The following KCNH1 variants were observed in gnomAD, a reference collection of about 807,000 sequenced individuals.
KCNH1 encodes voltage-gated delayed rectifier potassium channel KCNH1.
KCNH1 carries 27 observed loss-of-function variants against 69.2 expected under a neutral mutation model. The ratio of observed to expected loss-of-function variants is 0.39; its 90% confidence interval spans 0.29 to 0.54. KCNH1 has a LOEUF of 0.54. KCNH1 is among the 20% of genes least tolerant of loss of function. The probability of loss-of-function intolerance (pLI) is 0.68; values close to 1 mark genes in which losing one functional copy is unlikely to be tolerated. For missense variants in KCNH1, 798 were observed against 1,261.6 expected (o/e 0.63, Z 5.57); for synonymous variants, 456 against 487.7 (o/e 0.93, Z 0.86).
At chr1:210,937,763 C>A (rs1687799001) in intron 6 of KCNH1, among the ~76,000 whole-genome samples, 1 of 145,402 alleles carries the variant, frequency 6.9e-6, no homozygotes, top group Non-Finnish European at 1.5e-5. Context: ...TTTTAATAAC[C>A]TTTTTTCCTC....
At chr1:210,903,884 A>C (rs771034634) in intron 7 of KCNH1, among the ~76,000 whole-genome samples, 42 of 152,278 alleles carry the variant, frequency 2.8e-4, no homozygotes, top group Admixed American at 4.6e-4. Context: ...TGGGGACACA[A>C]ACAGAATTGG....
At chr1:211,092,462 T>A (rs752111617) in intron 3 of KCNH1, among the ~76,000 whole-genome samples, 22 of 152,246 alleles carry the variant, frequency 1.4e-4, no homozygotes, top group Non-Finnish European at 2.1e-4. Context: ...TATTCCTCTA[T>A]AGTTAATTTT....
chr1:210,726,832 C>T (rs1682607745), intron 10 of KCNH1, among the ~76,000 whole-genome samples: 2 of 152,038 alleles, frequency 1.3e-5, no homozygotes, highest in Non-Finnish European at 2.9e-5. Flanking sequence ...GGACTACTCT[C>T]CTCTATTCAT....
chr1:210,807,104 C>T (rs776156824), intron 7 of KCNH1, among the ~76,000 whole-genome samples: 4 of 151,180 alleles, frequency 2.6e-5, no homozygotes, highest in South Asian at 2.1e-4. Context: ...TCTTACAGCA[C>T]AATATCAAGA....
intron 7 of KCNH1, among the ~76,000 whole-genome samples, chr1:210,909,079 C>A (rs1687174055): frequency 6.6e-6 from 1 of 152,214 alleles, no homozygotes; most frequent in Non-Finnish European, 1.5e-5. Context: ...CCCATGCATG[C>A]AAAGAGGGTC....
At chr1:210,966,447 A>C (rs1460379968) in intron 6 of KCNH1, among the ~76,000 whole-genome samples, 1 of 152,256 alleles carries the variant, frequency 6.6e-6, no homozygotes, top group African/African-American at 2.4e-5. Flanking sequence ...GTGAAGAGGC[A>C]ACCTACAGAA....
At chr1:210,807,471 G>T (rs1684607668) in intron 7 of KCNH1, among the ~76,000 whole-genome samples, 3 of 152,068 alleles carry the variant, frequency 2.0e-5, no homozygotes, top group South Asian at 4.2e-4. Context: ...ATTTAGCCAG[G>T]CATGGTGGCA....
intron 10 of KCNH1, among the ~76,000 whole-genome samples, chr1:210,775,061 T>C (rs1683834180): frequency 6.6e-6 from 1 of 152,084 alleles, no homozygotes; most frequent in African/African-American, 2.4e-5. Context: ...TTCAAAATGC[T>C]AGCAGGTCTA....
chr1:210,781,979 G>A (rs1038456556), intron 9 of KCNH1, among the ~76,000 whole-genome samples: 2 of 152,066 alleles, frequency 1.3e-5, no homozygotes, highest in Admixed American at 1.3e-4. Context: ...TCACATCAGG[G>A]CTTTCCAGGC....
intron 10 of KCNH1, among the ~76,000 whole-genome samples, chr1:210,721,833 G>A (rs1574210594): frequency 6.7e-6 from 1 of 148,988 alleles, no homozygotes; most frequent in Non-Finnish European, 1.5e-5. Flanking sequence ...ATAAATAAAT[G>A]AAAAAGAAAG....
At chr1:211,102,452 A>C (rs1691274978) in intron 3 of KCNH1, among the ~76,000 whole-genome samples, 1 of 152,158 alleles carries the variant, frequency 6.6e-6, no homozygotes, top group South Asian at 2.1e-4. Context: ...TGGGAACTAG[A>C]TCTGCTGGCA....
chr1:210,720,829 C>T (rs1327825524), intron 10 of KCNH1, among the ~76,000 whole-genome samples: 1 of 152,182 alleles, frequency 6.6e-6, no homozygotes, highest in East Asian at 1.9e-4. Context: ...GTTTTCCCTG[C>T]TCCTTTATGT....
chr1:210,844,262 C>G (rs1398015220), intron 7 of KCNH1, among the ~76,000 whole-genome samples: 1 of 152,184 alleles, frequency 6.6e-6, no homozygotes, highest in Non-Finnish European at 1.5e-5. Context: ...TTGGCTCATG[C>G]CTGTAATCCC....
chr1:210,970,711 T>A (rs1688496698), intron 6 of KCNH1, among the ~76,000 whole-genome samples: 1 of 152,088 alleles, frequency 6.6e-6, no homozygotes, highest in African/African-American at 2.4e-5. Flanking sequence ...GGCAATACCA[T>A]TCAGGACGTA....
Position 210,919,565 on chromosome 1 carries a change from TG to T in KCNH1, c.1462+74del. Reference sequence around the variant, plus strand: ...TAAGTTATTATTCTCCTGATCCTGCTGGCACTGTAGCCATTTCCCTGTTTCC... The same window carrying T: ...TAAGTTATTATTCTCCTGATCCTGCTGCACTGTAGCCATTTCCCTGTTTCC... On this transcript the variant is annotated intron_variant, in intron 7 of 10. Transcript: ENST00000271751. This position sits in a 1 kb window ranked among gnomAD's most constrained non-coding sequence, Gnocchi z 4.2. 1 of 1,310,738 alleles carries T rather than the reference TG, an allele frequency of 7.6e-7. No homozygotes were observed. The highest frequency in any genetic ancestry group is 1.1e-6 in the Non-Finnish European group (1 of 925,224). The allele number at this position is 1,310,738 out of a possible 1,614,324, so 81.2% of individuals were successfully genotyped here.
At chr1:210,703,178 G>A (rs1681825375) in intron 10 of KCNH1, among the ~76,000 whole-genome samples, 1 of 152,180 alleles carries the variant, frequency 6.6e-6, no homozygotes, top group South Asian at 2.1e-4. Context: ...ACATGTGCAA[G>A]TTAAAAGACA....
At chr1:210,861,150 G>A (rs560861750) in intron 7 of KCNH1, 45 of 905,066 alleles carry the variant, frequency 5.0e-5, no homozygotes, top group Non-Finnish European at 6.7e-5. Context: ...AACTTCATGC[G>A]TATATACTCG....
At chr1:211,029,334 T>TAAAAA (rs58241322) in intron 5 of KCNH1, among the ~76,000 whole-genome samples, 681 of 23,100 alleles carry the variant, frequency 0.029, 73 homozygotes, top group East Asian at 0.078. Flanking sequence ...TCCTGTCACT[T>TAAAAA]AAAAAAAAAA....
At chr1:210,837,146 A>G (rs1256708062) in intron 7 of KCNH1, among the ~76,000 whole-genome samples, 1 of 152,158 alleles carries the variant, frequency 6.6e-6, no homozygotes, top group Non-Finnish European at 1.5e-5. Context: ...GCCTTTGCAC[A>G]AGGTGTTTCT....
Sources: allele counts gnomAD v4.1 joint callset (sites outside exome capture counted in the v4.1 genomes callset), GRCh38; gene constraint gnomAD v4.1.1; non-coding constraint Gnocchi (gnomAD v3.1); transcripts MANE v1.5; gene names NCBI Gene and HGNC (gene_info 2026-07-23, HGNC 2026-07-21).